The following L1TD1 variants were observed in gnomAD, a reference collection of about 807,000 sequenced individuals.
L1TD1 encodes the protein LINE-1 type transposase domain-containing protein 1.
A neutral mutation model predicts 25.7 loss-of-function variants in L1TD1; 26 were observed. That is an observed-to-expected ratio of 1.01 (90% confidence interval 0.74 to 1.40). The LOEUF (loss-of-function observed/expected upper bound fraction) is 1.40. L1TD1 is among the 40% of genes most tolerant of loss of function. The pLI is 0.00. For missense variants in L1TD1, 1,130 were observed against 975.0 expected, an observed-to-expected ratio of 1.16 and a Z score of -2.12; for synonymous variants, 421 against 335.6, an observed-to-expected ratio of 1.25 and a Z score of -2.78.
At chr1:62,198,517 C>T (rs1175364053) in intron 2 of L1TD1, among the ~76,000 whole-genome samples, 2 of 150,730 alleles carry the variant, frequency 1.3e-5, no homozygotes, top group Admixed American at 1.3e-4. Context: ...CACACACCGA[C>T]CCCCCGCCGC....
At position 62,210,410 on chromosome 1, in the gene L1TD1, A is replaced by G. The variant is rs1178999200; in HGVS notation, c.1636A>G (p.Thr546Ala). Reference sequence around the variant, plus strand: ...AACAGCTGTGCCCACAAGTCAAGGAACTGGCACACCCTGTCTGACCTTATG... The same window carrying G: ...AACAGCTGTGCCCACAAGTCAAGGAGCTGGCACACCCTGTCTGACCTTATG... ...EETAVPTSQG[T>A]GTPCLTLCLA... The change falls in exon 4 of 4, where the codon ACT becomes GCT. Residue 546 changes from threonine to alanine, a missense_variant. Coordinates refer to ENST00000498273, the MANE Select transcript of L1TD1 (RefSeq NM_019079.5). 2.5e-6 allele frequency: 4 copies of G among 1,614,000 alleles called. No homozygotes were observed. Among genetic ancestry groups the G allele is most frequent in the Non-Finnish European group, 3.4e-6 (4 of 1,180,026 alleles).
chr1:62,211,186 A>G lies in L1TD1; in HGVS notation c.2412A>G (p.Arg804=), dbSNP rs1167018309. The change falls in exon 4 of 4, where the codon AGA becomes AGG. Residue 804 remains arginine, a synonymous_variant. Transcript: ENST00000498273. ...ADLSLDTLDA[R]SKWSNVFKVL... is the part of the protein sequence containing the mutation. ...TATCACTGGACACACTGGATGCTAG[A>G]AGTAAATGGAGCAATGTCTTCAAAG... The G allele has an allele frequency of 2.6e-6, 4 of 1,551,952 alleles. No homozygotes were observed. The highest frequency in any genetic ancestry group is 2.7e-5 in the African/African-American group (2 of 73,180).
chr1:62,206,402 T>C (rs1167916453), intron 2 of L1TD1, 117 bp from the exon 3 acceptor site: 1 of 270,812 alleles, frequency 3.7e-6, no homozygotes, highest in East Asian at 6.7e-5. Flanking sequence ...CTAGTGAACT[T>C]TTTATTAATT....
At chr1:62,203,641 C>T (rs1371937380) in intron 2 of L1TD1, among the ~76,000 whole-genome samples, 1 of 151,984 alleles carries the variant, frequency 6.6e-6, no homozygotes, top group African/African-American at 2.4e-5. Flanking sequence ...TGCAGTGGCA[C>T]GATCTAGGCT....
intron 2 of L1TD1, among the ~76,000 whole-genome samples, chr1:62,201,410 GT>G (rs1420342981): frequency 2.7e-5 from 4 of 146,106 alleles, no homozygotes; most frequent in Non-Finnish European, 6.0e-5. Flanking sequence ...AGGATTTTCA[GT>G]TTAAAAAAAA....
intron 2 of L1TD1, among the ~76,000 whole-genome samples, chr1:62,197,655 G>C (rs1670569910): frequency 6.6e-6 from 1 of 151,810 alleles, no homozygotes; most frequent in Admixed American, 6.6e-5. Context: ...GAGGTGGGCG[G>C]ATCACCTGAG....
rs66958136 is a variant in L1TD1, at chr1:62,210,940, A to G, written c.2166A>G (p.Lys722=). 403,068 of 1,545,354 alleles carry G rather than the reference A, an allele frequency of 0.26. 56,687 individuals are homozygous for G. The highest frequency in any genetic ancestry group is 0.34 in the Admixed American group (16,855 of 49,244). ...AGAATAGGGCAGAGGACATAATTAA[A>G]GAAATAATTGATGAAAACTTTGCAG... ...SYENRAEDII[K]EIIDENFAEL... The change falls in exon 4 of 4, where the codon AAA becomes AAG. Residue 722 remains lysine, a synonymous_variant. Transcript: ENST00000498273.
intron 3 of L1TD1, chr1:62,208,055 T>C (rs1021229068): frequency 6.4e-6 from 1 of 155,318 alleles, no homozygotes; most frequent in African/African-American, 2.4e-5. Flanking sequence ...AAAAGCATGA[T>C]ATTAAAAGTA....
intron 3 of L1TD1, chr1:62,208,487 T>TTTTTTTG: frequency 8.7e-6 from 1 of 114,946 alleles, no homozygotes; most frequent in Non-Finnish European, 1.7e-5. Context: ...GGGGCTTTTT[T>TTTTTTTG]TTTTTTTTTT....
At chr1:62,195,977 C>CA (rs1190965326) in intron 1 of L1TD1, among the ~76,000 whole-genome samples, 5 of 151,440 alleles carry the variant, frequency 3.3e-5, no homozygotes, top group Admixed American at 3.3e-4. Context: ...GCGGAGGTTG[C>CA]AGTGAGCCGA....
Position 62,209,630 on chromosome 1 carries a change from C to T in L1TD1, c.1009-153C>T, listed in dbSNP as rs541025870. On this transcript the variant is annotated intron_variant, in intron 3 of 3. Coordinates refer to ENST00000498273, the MANE Select transcript of L1TD1 (RefSeq NM_019079.5). ...GACTTGACTTGTTTGGGGACCTAGGCCTTCAAGAACAATTAATATTTAAGC... is the reference window on the plus strand; with the variant it reads ...GACTTGACTTGTTTGGGGACCTAGGTCTTCAAGAACAATTAATATTTAAGC... Among the ~76,000 whole-genome samples the T allele has an allele frequency of 2.0e-5, 3 of 152,132 alleles. No individual in the cohort carries two copies. In the South Asian group the frequency reaches 6.2e-4, roughly 32 times the overall value.
At chr1:62,201,001 C>T (rs909853109) in intron 2 of L1TD1, among the ~76,000 whole-genome samples, 2 of 151,924 alleles carry the variant, frequency 1.3e-5, no homozygotes, top group African/African-American at 4.8e-5. Flanking sequence ...GGCGTTAACC[C>T]TAATTCAACC....
At chr1:62,205,358 C>A in intron 2 of L1TD1, among the ~76,000 whole-genome samples, 1 of 141,098 alleles carries the variant, frequency 7.1e-6, no homozygotes, top group African/African-American at 2.6e-5. Flanking sequence ...AAAATAAAAC[C>A]AACGAAAACT....
chr1:62,206,578 A>G lies in L1TD1; in HGVS notation c.-51A>G. The G allele has an allele frequency of 7.2e-7, 1 of 1,394,560 alleles. No homozygotes were observed. Among genetic ancestry groups the G allele is most frequent in the Non-Finnish European group, 9.3e-7 (1 of 1,071,064 alleles). The allele number at this position is 1,394,560 out of a possible 1,614,324, so 86.4% of individuals were successfully genotyped here. On this transcript the variant is annotated 5_prime_UTR_variant, in exon 3 of 4. Transcript: ENST00000498273. ...GTCTAGCAGGCCTGTAAGAACAAAA[A>G]TCATTCTGTAGGAATTAAAAACAGA...
At chr1:62,205,951 G>A (rs991662878) in intron 2 of L1TD1, among the ~76,000 whole-genome samples, 1 of 151,970 alleles carries the variant, frequency 6.6e-6, no homozygotes, top group African/African-American at 2.4e-5. Flanking sequence ...GGCTGGTCTC[G>A]AACTCCTGGG....
intron 3 of L1TD1, among the ~76,000 whole-genome samples, chr1:62,209,165 A>C (rs573765470): frequency 7.2e-5 from 11 of 152,310 alleles, no homozygotes; most frequent in African/African-American, 2.6e-4. Context: ...AAATTGAGGC[A>C]CTAGTAGCAA....
chr1:62,199,788 C>T (rs1181778288), intron 2 of L1TD1, among the ~76,000 whole-genome samples: 4 of 152,146 alleles, frequency 2.6e-5, no homozygotes, highest in Non-Finnish European at 5.9e-5. Flanking sequence ...TAATAGGGCA[C>T]TGGCCAGATT....
chr1:62,206,833 A>C lies in L1TD1; in HGVS notation c.205A>C (p.Met69Leu), dbSNP rs1306442809. The part of the protein sequence containing the change: ...MEIQDLMFEE[M>L]RETLKNDLKA... ...AATTCAAGACCTGATGTTTGAGGAG[A>C]TGAGGGAAACTCTTAAAAATGACCT... The change falls in exon 3 of 4, where the codon ATG becomes CTG. Residue 69 changes from methionine to leucine, a missense_variant. Met to Leu is a conservative substitution (Grantham distance 15, BLOSUM62 2). Coordinates refer to ENST00000498273, the MANE Select transcript of L1TD1 (RefSeq NM_019079.5). 3 of 1,609,652 alleles carry C rather than the reference A, an allele frequency of 1.9e-6. No homozygotes were observed. The highest frequency in any genetic ancestry group is 2.5e-6 in the Non-Finnish European group (3 of 1,177,736).
rs747478918 is a variant in L1TD1 at position 62,211,292 on chromosome 1, T to C, written c.2518T>C (p.Phe840Leu). ...AFDFRGKTKV[F>L]LSIEEFRDYV... is the part of the protein sequence containing the mutation. ...TGATTTTAGGGGTAAAACAAAGGTA[T>C]TTCTTAGTATTGAAGAATTTAGAGA... The change falls in exon 4 of 4, where the codon TTT (phenylalanine) becomes CTT (leucine). Residue 840 changes from phenylalanine (F) to leucine (L), a missense_variant. Phe to Leu is a conservative substitution (Grantham distance 22, BLOSUM62 0). Transcript: ENST00000498273. 5.6e-6 allele frequency: 9 copies of C among 1,613,148 alleles called. No homozygotes were observed. The Admixed American group carries it at 1.3e-4, about 24-fold the overall frequency.
Sources: allele counts gnomAD v4.1 joint callset (sites outside exome capture counted in the v4.1 genomes callset), GRCh38; gene constraint gnomAD v4.1.1; transcripts MANE v1.5; gene names NCBI Gene and HGNC (gene_info 2026-07-23, HGNC 2026-07-21).